Variants in ASCC3 observed in about 807,000 individuals in gnomAD.
ASCC3 encodes the protein ASC-1 complex subunit P200.
Under a neutral mutation model 256.3 loss-of-function variants are expected in ASCC3, and 158 were observed. The observed-to-expected ratio is 0.62, with a 90% CI of 0.54 to 0.70. The LOEUF (loss-of-function observed/expected upper bound fraction) is 0.70. Among genes scored for constraint, ASCC3 ranks in the 30% least tolerant of loss-of-function variants. ASCC3 has a pLI of 0.00. For missense variants in ASCC3, 2,259 were observed against 2,626.0 expected (o/e 0.86, Z 3.05); for synonymous variants, 948 against 883.4 (o/e 1.07, Z -1.30).
rs78604637 is a variant in ASCC3 at position 100,553,439 on chromosome 6, T to A, written c.5551-13052A>T. On this transcript the variant is annotated intron_variant, in intron 36 of 41. Transcript: ENST00000369162. ...TTGAAAGTGGGTAGTGAAGCTTTTA[T>A]GCAACTGGGATTGAAGCTGAATGGA... Among the ~76,000 whole-genome samples the A allele has an allele frequency of 7.1e-3, 1,085 of 152,200 alleles. 11 individuals are homozygous for A. The highest frequency in any genetic ancestry group is 0.024 in the African/African-American group (1,009 of 41,544).
In ASCC3 at chr6:100,631,219, A is replaced by G. The variant is rs1411924333; in HGVS notation, c.4123-6T>C. 4 of 1,605,248 alleles carry G rather than the reference A, an allele frequency of 2.5e-6. No homozygotes were observed. Among genetic ancestry groups the G allele is most frequent in the Non-Finnish European group, 3.4e-6 (4 of 1,172,622 alleles). ...AGGGGTGCAATATATACCGCCTAAA[A>G]AGGGGAGAATAGCCAAAAATACTCT... On this transcript the variant is annotated splice_polypyrimidine_tract_variant and splice_region_variant and intron_variant, in intron 25 of 41. Transcript: ENST00000369162.
intron 4 of ASCC3, among the ~76,000 whole-genome samples, chr6:100,811,554 C>G (rs1293164993): frequency 2.0e-5 from 3 of 151,758 alleles, no homozygotes; most frequent in African/African-American, 7.3e-5. Context: ...ACAAATAGTC[C>G]TTACATATAT....
chr6:100,558,730 C>T (rs1174236044), intron 36 of ASCC3, among the ~76,000 whole-genome samples: 1 of 152,154 alleles, frequency 6.6e-6, no homozygotes, highest in Non-Finnish European at 1.5e-5. Flanking sequence ...GCAATCATTA[C>T]TACCTCGACT....
At position 100,723,842 on chromosome 6, in the gene ASCC3, C is replaced by A. The variant is rs1338399668; in HGVS notation, c.1902+1697G>T. ...AATATACAACTGGGTTTGGATATGGCCAGAAGTTATTAGGGAATTATATAT... is the reference window on the plus strand; with the variant it reads ...AATATACAACTGGGTTTGGATATGGACAGAAGTTATTAGGGAATTATATAT... On this transcript the variant is annotated intron_variant, in intron 11 of 41. Coordinates refer to ENST00000369162, the MANE Select transcript of ASCC3 (RefSeq NM_006828.4). 3.1e-4 allele frequency among the ~76,000 whole-genome samples: 37 copies of A among 118,184 alleles called. 1 individual carries two copies. The highest frequency in any genetic ancestry group is 1.0e-3 in the African/African-American group (32 of 31,436). 77.5% of individuals were successfully genotyped at this position (118,184 alleles called of 152,430 possible).
chr6:100,751,218 T>C (rs1442786444), intron 10 of ASCC3, among the ~76,000 whole-genome samples: 1 of 152,122 alleles, frequency 6.6e-6, no homozygotes, highest in South Asian at 2.1e-4. Context: ...AAGTTTCTTA[T>C]ACAAACTAAA....
chr6:100,527,767 C>T (rs1435507500), intron 37 of ASCC3, among the ~76,000 whole-genome samples: 1 of 151,836 alleles, frequency 6.6e-6, no homozygotes, highest in Non-Finnish European at 1.5e-5. Flanking sequence ...TCTTTTTCTT[C>T]CCTTATTCTT....
In ASCC3 at chr6:100,650,852, A is replaced by G. The variant is rs1775634017; in HGVS notation, c.3076-138T>C. The G allele has an allele frequency of 5.5e-6, 4 of 724,298 alleles. No homozygotes were observed. The South Asian group carries it at 6.9e-5, about 12-fold the overall frequency. 44.9% of individuals were successfully genotyped at this position (724,298 alleles called of 1,614,324 possible). A position where few individuals can be genotyped will look rare whatever the true frequency, so the allele number is the denominator to read the frequency against. On this transcript the variant is annotated intron_variant, in intron 19 of 41. Coordinates refer to ENST00000369162, the MANE Select transcript of ASCC3 (RefSeq NM_006828.4). Reference sequence around the variant, plus strand: ...CATTTTTCTTTCATAGAGTTAAATAACAATGATTTTTCCATAGGTAGCTAA... The same window carrying G: ...CATTTTTCTTTCATAGAGTTAAATAGCAATGATTTTTCCATAGGTAGCTAA...
chr6:100,581,759 T>C (rs568214596), intron 36 of ASCC3, among the ~76,000 whole-genome samples: 7,489 of 151,962 alleles, frequency 0.049, 227 homozygotes, highest in African/African-American at 0.067. Flanking sequence ...TTGATTTTTG[T>C]ATAAGGTGTA....
intron 27 of ASCC3, 112 bp from the exon 28 acceptor site, chr6:100,628,099 AAAAC>A (rs900847472): frequency 9.5e-6 from 11 of 1,152,990 alleles, no homozygotes; most frequent in African/African-American, 1.6e-5. Flanking sequence ...AACAAAAAAA[AAAAC>A]AAAAAAAAAG....
At chr6:100,531,089 C>A in intron 37 of ASCC3, 1 of 1,244,160 alleles carries the variant, frequency 8.0e-7, no homozygotes, top group Non-Finnish European at 1.2e-6. Flanking sequence ...ATAGTCTGTA[C>A]AATAAATACA....
chr6:100,627,283 C>T (rs1257624953), intron 29 of ASCC3, among the ~76,000 whole-genome samples: 1 of 152,016 alleles, frequency 6.6e-6, no homozygotes, highest in Non-Finnish European at 1.5e-5. Context: ...CTGTAGCTTC[C>T]ATTTCTCATC....
chr6:100,860,497 G>A (rs1312770528), intron 3 of ASCC3, among the ~76,000 whole-genome samples: 2 of 151,784 alleles, frequency 1.3e-5, no homozygotes, highest in African/African-American at 4.8e-5. Flanking sequence ...GTAAGACATC[G>A]TCAGCATTAC....
intron 37 of ASCC3, among the ~76,000 whole-genome samples, chr6:100,527,688 C>T (rs1403492196): frequency 6.6e-6 from 1 of 152,066 alleles, no homozygotes; most frequent in Non-Finnish European, 1.5e-5. Context: ...AAATATAGAA[C>T]CAGCTTACAG....
At chr6:100,817,835 A>G (rs558937414) in intron 4 of ASCC3, among the ~76,000 whole-genome samples, 6 of 152,258 alleles carry the variant, frequency 3.9e-5, no homozygotes, top group African/African-American at 1.4e-4. Flanking sequence ...ATTCCACTAA[A>G]TATTTAAAGA....
chr6:100,599,668 T>TA (rs919517334), intron 34 of ASCC3, among the ~76,000 whole-genome samples: 26 of 151,052 alleles, frequency 1.7e-4, no homozygotes, highest in African/African-American at 6.1e-4. Flanking sequence ...GTTCAACAAT[T>TA]AAAAAAAAAT....
intron 36 of ASCC3, among the ~76,000 whole-genome samples, chr6:100,576,905 CAGG>C (rs1770895347): frequency 6.7e-6 from 1 of 149,668 alleles, no homozygotes; most frequent in African/African-American, 2.5e-5. Context: ...AGAGATGTCA[CAGG>C]AGAAAAAAAA....
chr6:100,839,925 T>C (rs111445964), intron 4 of ASCC3, among the ~76,000 whole-genome samples: 5,384 of 152,284 alleles, frequency 0.035, 133 homozygotes, highest in Non-Finnish European at 0.052. Context: ...TGGGTTTTCC[T>C]AATACAGATT....
Position 100,677,809 on chromosome 6 carries a change from T to C in ASCC3, c.2286+1809A>G, listed in dbSNP as rs942620361. Among the ~76,000 whole-genome samples the C allele has an allele frequency of 9.2e-5, 14 of 151,876 alleles. No homozygotes were observed. The South Asian group carries it at 1.5e-3, about 16-fold the overall frequency. On this transcript the variant is annotated intron_variant, in intron 14 of 41. Transcript: ENST00000369162. ...GGATCAGGAAAAAAATCAAGTATAA[T>C]AAAAATATAAAAAAGCTTATAATAA...
intron 13 of ASCC3, among the ~76,000 whole-genome samples, chr6:100,688,739 G>A (rs908903127): frequency 5.9e-5 from 9 of 152,052 alleles, no homozygotes; most frequent in Admixed American, 3.9e-4. Flanking sequence ...GACATATAAC[G>A]GGCTCGCCTA....
Sources: gnomAD v4.1 joint callset for allele counts (sites outside exome capture counted in the v4.1 genomes callset) on GRCh38, gnomAD v4.1.1 for gene constraint, MANE v1.5 for transcripts, NCBI Gene and HGNC (gene_info 2026-07-23, HGNC 2026-07-21) for gene names.